The following ERBB4 variants were observed in gnomAD, a reference collection of about 807,000 sequenced individuals.
The protein encoded by ERBB4 is receptor tyrosine-protein kinase erbB-4.
Under a neutral mutation model 158.0 loss-of-function variants are expected in ERBB4, and 42 were observed. That is an observed-to-expected ratio of 0.27 (90% CI 0.21 to 0.34). ERBB4 has a LOEUF of 0.34. Among genes scored for constraint, ERBB4 ranks in the 10% least tolerant of loss-of-function variants. The pLI is 1.00. For missense variants in ERBB4, 1,333 were observed against 1,624.1 expected, an observed-to-expected ratio of 0.82 and a Z score of 3.08; for synonymous variants, 583 against 558.7, an observed-to-expected ratio of 1.04 and a Z score of -0.61.
intron 25 of ERBB4, among the ~76,000 whole-genome samples, chr2:211,392,168 A>G (rs1331282673): frequency 6.6e-6 from 1 of 152,136 alleles, no homozygotes; most frequent in African/African-American, 2.4e-5. Context: ...GCATCTCCAC[A>G]CTTTCACAGG....
chr2:211,416,893 G>A (rs2063405856), intron 25 of ERBB4, among the ~76,000 whole-genome samples: 1 of 151,402 alleles, frequency 6.6e-6, no homozygotes. Context: ...TGTAACTGAT[G>A]GAGCTGACTT....
intron 20 of ERBB4, among the ~76,000 whole-genome samples, chr2:211,545,059 CCCATATT>C (rs1454346508): frequency 6.6e-6 from 1 of 152,062 alleles, no homozygotes; most frequent in Non-Finnish European, 1.5e-5. Context: ...TTAGAGACTT[CCCATATT>C]CTAGACTGGC....
chr2:212,257,936 T>TCTG (rs2106074685), intron 1 of ERBB4, among the ~76,000 whole-genome samples: 1 of 152,258 alleles, frequency 6.6e-6, no homozygotes, highest in Non-Finnish European at 1.5e-5. Flanking sequence ...CTGACTCCAG[T>TCTG]ATTTGTCCTT....
chr2:211,772,946 TATATATA>T (rs1559504997), intron 4 of ERBB4, among the ~76,000 whole-genome samples: 3 of 85,562 alleles, frequency 3.5e-5, no homozygotes, highest in East Asian at 4.1e-4. Context: ...TATATATATA[TATATATA>T]TATTTTTTTT....
intron 3 of ERBB4, among the ~76,000 whole-genome samples, chr2:211,822,781 A>G (rs926007404): frequency 2.0e-5 from 3 of 152,052 alleles, no homozygotes; most frequent in Admixed American, 2.0e-4. Flanking sequence ...ATTAGCCACA[A>G]CATTCCTTTG....
intron 2 of ERBB4, among the ~76,000 whole-genome samples, chr2:212,005,427 G>A (rs2076237428): frequency 6.6e-6 from 1 of 152,122 alleles, no homozygotes; most frequent in South Asian, 2.1e-4. Flanking sequence ...AATCCACATG[G>A]TCAAAGAAAG....
chr2:212,524,797 A>AC (rs1692358359), intron 1 of ERBB4, among the ~76,000 whole-genome samples: 1 of 152,066 alleles, frequency 6.6e-6, no homozygotes, highest in Non-Finnish European at 1.5e-5. Context: ...AGTTACTGTG[A>AC]CACTATTCAT....
At chr2:211,789,307 T>C (rs2076232909) in intron 3 of ERBB4, among the ~76,000 whole-genome samples, 1 of 152,148 alleles carries the variant, frequency 6.6e-6, no homozygotes, top group Non-Finnish European at 1.5e-5. Flanking sequence ...AAGAAACCTA[T>C]AGGAGGCAGT....
chr2:211,419,639 C>T (rs1173022134), intron 25 of ERBB4, among the ~76,000 whole-genome samples: 2 of 152,062 alleles, frequency 1.3e-5, no homozygotes, highest in Non-Finnish European at 2.9e-5. Context: ...TATGCAGTCC[C>T]TCTATCTGTA....
intron 12 of ERBB4, among the ~76,000 whole-genome samples, chr2:211,690,865 A>C (rs1189544353): frequency 2.0e-5 from 3 of 152,210 alleles, no homozygotes; most frequent in Non-Finnish European, 4.4e-5. Context: ...GTTATTAGGC[A>C]ACCTTTAACT....
At chr2:212,088,343 T>C (rs1435494890) in intron 2 of ERBB4, among the ~76,000 whole-genome samples, 1 of 152,146 alleles carries the variant, frequency 6.6e-6, no homozygotes, top group Non-Finnish European at 1.5e-5. Context: ...AATTATCATA[T>C]TTATCAAAGG....
intron 20 of ERBB4, among the ~76,000 whole-genome samples, chr2:211,528,766 G>T (rs1035311225): frequency 2.6e-5 from 4 of 151,784 alleles, no homozygotes; most frequent in African/African-American, 7.2e-5. Context: ...CCAGTGGGTC[G>T]ATGAAGACAT....
At chr2:211,688,630 A>G (rs1424545269) in intron 12 of ERBB4, among the ~76,000 whole-genome samples, 1 of 152,134 alleles carries the variant, frequency 6.6e-6, no homozygotes, top group Non-Finnish European at 1.5e-5. Flanking sequence ...TGAACATCTT[A>G]TATTTACTTT....
At chr2:211,447,463 T>C (rs1220830692) in intron 20 of ERBB4, among the ~76,000 whole-genome samples, 1 of 152,094 alleles carries the variant, frequency 6.6e-6, no homozygotes, top group Non-Finnish European at 1.5e-5. Flanking sequence ...GAAAATAAAA[T>C]GGGGTGGAGT....
chr2:211,974,991 C>T (rs553106269), intron 2 of ERBB4, among the ~76,000 whole-genome samples: 2 of 149,032 alleles, frequency 1.3e-5, no homozygotes, highest in African/African-American at 2.5e-5. Flanking sequence ...ATATCCATCA[C>T]TTTTTTTTTT....
At chr2:211,633,570 T>C (rs991526588) in intron 16 of ERBB4, among the ~76,000 whole-genome samples, 1 of 144,824 alleles carries the variant, frequency 6.9e-6, no homozygotes, top group African/African-American at 2.5e-5. Flanking sequence ...AAATACAATT[T>C]CCAATGTCTT....
rs80100606 is a variant in ERBB4, at chr2:212,040,387, T to C, written c.234+84365A>G. ...ATTTTTCCTCATTTATGTGGTTTAT[T>C]TCACCTTATAACACAAGCTGATATG... On this transcript the variant is annotated intron_variant, in intron 2 of 27. Coordinates refer to ENST00000342788, the MANE Select transcript of ERBB4 (RefSeq NM_005235.3). 8.8e-3 allele frequency among the ~76,000 whole-genome samples: 1,340 copies of C among 152,128 alleles called. 16 individuals are homozygous for C. The highest frequency in any genetic ancestry group is 0.031 in the African/African-American group (1,279 of 41,450).
chr2:211,802,009 C>T (rs1032689529), intron 3 of ERBB4, among the ~76,000 whole-genome samples: 2 of 152,174 alleles, frequency 1.3e-5, no homozygotes, highest in African/African-American at 4.8e-5. Context: ...CCTGTAATCC[C>T]TGCACTTTGG....
At chr2:211,797,856 A>G (rs1261530924) in intron 3 of ERBB4, among the ~76,000 whole-genome samples, 1 of 152,044 alleles carries the variant, frequency 6.6e-6, no homozygotes, top group Non-Finnish European at 1.5e-5. Context: ...AATCTGGAGA[A>G]AATCAGGAAG....
Sources: allele counts gnomAD v4.1 joint callset (sites outside exome capture counted in the v4.1 genomes callset), GRCh38; gene constraint gnomAD v4.1.1; transcripts MANE v1.5; gene names NCBI Gene and HGNC (gene_info 2026-07-23, HGNC 2026-07-21).